RIT2: variants seen among roughly 807,000 people sequenced by gnomAD.
RIT2 encodes the protein GTP-binding protein Rit2.
RIT2 carries 24 observed loss-of-function variants against 23.7 expected under a neutral mutation model. The observed-to-expected ratio is 1.01, with a 90% CI of 0.73 to 1.43. The LOEUF (loss-of-function observed/expected upper bound fraction) is 1.43. RIT2 is among the 40% of genes most tolerant of loss of function. RIT2 has a pLI of 0.00. For synonymous variants in RIT2, 107 were observed against 91.1 expected (o/e 1.17, Z -0.99); for missense variants, 236 against 266.9 (o/e 0.88, Z 0.81).
intron 4 of RIT2, among the ~76,000 whole-genome samples, chr18:42,860,890 A>T (rs1451210637): frequency 1.3e-5 from 2 of 152,270 alleles, no homozygotes; most frequent in Non-Finnish European, 2.9e-5. Flanking sequence ...GGGAAAAAAA[A>T]TCTTTCTTAA....
At chr18:42,856,221 C>G (rs1907176665) in intron 4 of RIT2, among the ~76,000 whole-genome samples, 1 of 152,218 alleles carries the variant, frequency 6.6e-6, no homozygotes, top group Admixed American at 6.5e-5. Flanking sequence ...ATGTGATCTA[C>G]TTTGTTTGAC....
intron 4 of RIT2, among the ~76,000 whole-genome samples, chr18:42,864,387 G>A (rs1907412850): frequency 6.6e-6 from 1 of 152,114 alleles, no homozygotes; most frequent in South Asian, 2.1e-4. Context: ...AATTAGTCAA[G>A]CCTTTCTGTT....
At chr18:42,890,791 A>C (rs188732463) in intron 4 of RIT2, among the ~76,000 whole-genome samples, 1 of 152,234 alleles carries the variant, frequency 6.6e-6, no homozygotes, top group East Asian at 1.9e-4. Flanking sequence ...CACTGAAATA[A>C]AAGAATAATA....
intron 1 of RIT2, among the ~76,000 whole-genome samples, chr18:43,080,117 C>A (rs1269084126): frequency 6.6e-6 from 1 of 152,188 alleles, no homozygotes; most frequent in African/African-American, 2.4e-5. Flanking sequence ...GTAACTAAGA[C>A]CTCTGGGTCT....
chr18:42,800,003 C>T (rs776352808), intron 4 of RIT2, among the ~76,000 whole-genome samples: 3 of 152,136 alleles, frequency 2.0e-5, no homozygotes, highest in Non-Finnish European at 4.4e-5. Context: ...ACGAAGCTAT[C>T]GGCTCCATAA....
chr18:42,948,819 G>A (rs945514271), intron 3 of RIT2, among the ~76,000 whole-genome samples: 1 of 152,010 alleles, frequency 6.6e-6, no homozygotes, highest in Non-Finnish European at 1.5e-5. Context: ...CTACTCCCAA[G>A]TCACCCTCAA....
intron 4 of RIT2, among the ~76,000 whole-genome samples, chr18:42,859,058 T>G (rs1476693022): frequency 6.6e-6 from 1 of 152,216 alleles, no homozygotes; most frequent in African/African-American, 2.4e-5. Flanking sequence ...TTATTTCTTT[T>G]GGGTGTATAC....
chr18:42,781,330 A>G (rs1438520077), intron 4 of RIT2, among the ~76,000 whole-genome samples: 1 of 152,168 alleles, frequency 6.6e-6, no homozygotes, highest in Non-Finnish European at 1.5e-5. Flanking sequence ...ATTTCTACAT[A>G]CCTAAATCAG....
intron 4 of RIT2, among the ~76,000 whole-genome samples, chr18:42,827,952 T>A (rs930258670): frequency 1.1e-4 from 14 of 129,262 alleles, no homozygotes; most frequent in Non-Finnish European, 1.8e-4. Flanking sequence ...TTGCAGTGAA[T>A]GAGATCGCGC....
At chr18:42,771,750 G>T (rs1913557048) in intron 4 of RIT2, among the ~76,000 whole-genome samples, 1 of 152,258 alleles carries the variant, frequency 6.6e-6, no homozygotes, top group South Asian at 2.1e-4. Flanking sequence ...CTAATTAGCA[G>T]AGTTTTGTGC....
intron 4 of RIT2, among the ~76,000 whole-genome samples, chr18:42,875,530 A>C (rs1257555714): frequency 6.6e-6 from 1 of 152,026 alleles, no homozygotes; most frequent in Non-Finnish European, 1.5e-5. Context: ...GGTGGTATGC[A>C]GGCAAAATCT....
At chr18:42,850,632 G>C (rs1368993569) in intron 4 of RIT2, among the ~76,000 whole-genome samples, 1 of 152,152 alleles carries the variant, frequency 6.6e-6, no homozygotes, top group Non-Finnish European at 1.5e-5. Context: ...AGAAAATGTT[G>C]AAGATATGTA....
intron 4 of RIT2, among the ~76,000 whole-genome samples, chr18:42,793,735 G>C (rs1477917933): frequency 1.3e-5 from 2 of 152,168 alleles, no homozygotes; most frequent in Non-Finnish European, 2.9e-5. Flanking sequence ...AAGCTTCAAA[G>C]TAAACATTCA....
intron 1 of RIT2, among the ~76,000 whole-genome samples, chr18:43,099,677 T>A (rs1026505963): frequency 6.6e-6 from 1 of 152,134 alleles, no homozygotes; most frequent in East Asian, 1.9e-4. Context: ...ATTTTGTCTC[T>A]CTATAATATC....
intron 1 of RIT2, among the ~76,000 whole-genome samples, chr18:43,113,195 T>G (rs1434869620): frequency 6.6e-6 from 1 of 152,136 alleles, no homozygotes; most frequent in Non-Finnish European, 1.5e-5. Flanking sequence ...TGGAAGAACA[T>G]CAGGTAAGTC....
At chr18:43,058,095 A>G (rs1302055099) in intron 1 of RIT2, among the ~76,000 whole-genome samples, 2 of 152,182 alleles carry the variant, frequency 1.3e-5, no homozygotes, top group African/African-American at 4.8e-5. Flanking sequence ...TGAACTGAGT[A>G]GTAGTTTAGC....
At chr18:42,993,013 A>G (rs576470501) in intron 2 of RIT2, among the ~76,000 whole-genome samples, 2 of 152,322 alleles carry the variant, frequency 1.3e-5, no homozygotes, top group Non-Finnish European at 2.9e-5. Flanking sequence ...GTGTACAATA[A>G]TAGAAAAAAG....
chr18:42,824,542 T>C (rs1906242292), intron 4 of RIT2, among the ~76,000 whole-genome samples: 1 of 152,030 alleles, frequency 6.6e-6, no homozygotes, highest in Non-Finnish European at 1.5e-5. Context: ...TAAAATTATA[T>C]GGTAATCTAA....
At chr18:42,868,702 A>G (rs151043775) in intron 4 of RIT2, among the ~76,000 whole-genome samples, 31 of 152,356 alleles carry the variant, frequency 2.0e-4, no homozygotes, top group Admixed American at 1.0e-3. Context: ...ATCGATCCAA[A>G]GAATGTGTAC....
Sources: gnomAD v4.1 joint callset for allele counts (sites outside exome capture counted in the v4.1 genomes callset) on GRCh38, gnomAD v4.1.1 for gene constraint, MANE v1.5 for transcripts, NCBI Gene and HGNC (gene_info 2026-07-23, HGNC 2026-07-21) for gene names.